The following DLGAP2 variants were observed in gnomAD, a reference collection of about 807,000 sequenced individuals.
DLGAP2 encodes the protein DLG associated protein 2, also known as disks large-associated protein 2.
A neutral mutation model predicts 100.3 loss-of-function variants in DLGAP2; 26 were observed. The ratio of observed to expected loss-of-function variants is 0.26; its 90% CI spans 0.19 to 0.36. The LOEUF is 0.36. Ranked by LOEUF, DLGAP2 falls within the 10% of genes least tolerant of loss-of-function variation. The pLI is 1.00. For missense variants in DLGAP2, 1,858 were observed against 1,453.2 expected, an observed-to-expected ratio of 1.28 and a Z score of -4.53; for synonymous variants, 886 against 630.1, an observed-to-expected ratio of 1.41 and a Z score of -6.08.
At chr8:1,558,219 C>T (rs941687522) in intron 5 of DLGAP2, among the ~76,000 whole-genome samples, 6 of 152,288 alleles carry the variant, frequency 3.9e-5, no homozygotes, top group South Asian at 2.1e-4. Context: ...AGCATGAGGG[C>T]GATAGGAGCT....
At chr8:1,495,967 A>C (rs1184998801) in intron 3 of DLGAP2, among the ~76,000 whole-genome samples, 1 of 152,114 alleles carries the variant, frequency 6.6e-6, no homozygotes, top group Non-Finnish European at 1.5e-5. Context: ...CTGATGGATG[A>C]AACAAGACTG....
chr8:1,520,507 G>A (rs1034851274), intron 4 of DLGAP2, among the ~76,000 whole-genome samples: 1 of 152,170 alleles, frequency 6.6e-6, no homozygotes, highest in Non-Finnish European at 1.5e-5. Context: ...TTGGACGAGT[G>A]TTTAATGGTG....
rs568031621 is a variant in DLGAP2 at position 773,721 on chromosome 8, C to A, written c.18+35896C>A. Reference sequence around the variant, plus strand: ...CATAGTATTCCATGGTGTATATATGCCACATTTTCTTAATCCAGTCTATCA... The same window carrying A: ...CATAGTATTCCATGGTGTATATATGACACATTTTCTTAATCCAGTCTATCA... On this transcript the variant is annotated intron_variant, in intron 1 of 14. Transcript: ENST00000637795. 1.6e-3 allele frequency among the ~76,000 whole-genome samples: 236 copies of A among 152,120 alleles called. 1 individual carries two copies. Among genetic ancestry groups the A allele is most frequent in the African/African-American group, 4.2e-3 (173 of 41,470 alleles).
Position 1,376,019 on chromosome 8 carries a change from CCCCA to C in DLGAP2, c.106+117139_106+117142del, listed in dbSNP as rs1802376656. Among the ~76,000 whole-genome samples, 3 of 37,196 alleles carry C rather than the reference CCCCA, an allele frequency of 8.1e-5. No homozygotes were observed. In the South Asian group the frequency reaches 4.6e-3, roughly 57 times the overall value. The allele number at this position is 37,196 out of a possible 152,430, so 24.4% of individuals were successfully genotyped here. A position where few individuals can be genotyped will look rare whatever the true frequency, so the allele number is the denominator to read the frequency against. ...CCTCTCCACGGCCTCAGAACTGAGC[CCCCA>C]CCTCCTACATTTGGGTTAACGACAC... On this transcript the variant is annotated intron_variant, in intron 3 of 14. Coordinates refer to ENST00000637795, the MANE Select transcript of DLGAP2 (RefSeq NM_001346810.2).
chr8:1,511,963 C>A (rs1800180067), intron 4 of DLGAP2, among the ~76,000 whole-genome samples: 1 of 152,240 alleles, frequency 6.6e-6, no homozygotes, highest in Non-Finnish European at 1.5e-5. Context: ...TTTCTACCAC[C>A]ACTCGGGTTT....
At chr8:1,539,009 C>G (rs1290561848) in intron 4 of DLGAP2, among the ~76,000 whole-genome samples, 2 of 151,818 alleles carry the variant, frequency 1.3e-5, no homozygotes, top group Admixed American at 1.3e-4. Context: ...GCTCGGCCTC[C>G]TGAGTAGCTG....
chr8:1,331,654 G>T (rs931465050), intron 3 of DLGAP2, among the ~76,000 whole-genome samples: 2 of 152,110 alleles, frequency 1.3e-5, no homozygotes, highest in African/African-American at 4.8e-5. Context: ...CAACATCTTG[G>T]GTATACGACA....
chr8:1,231,281 A>C (rs1246488582), intron 2 of DLGAP2, among the ~76,000 whole-genome samples: 5 of 152,224 alleles, frequency 3.3e-5, no homozygotes, highest in Non-Finnish European at 7.3e-5. Flanking sequence ...ATCAAACCAC[A>C]ATGAGATACC....
intron 3 of DLGAP2, among the ~76,000 whole-genome samples, chr8:1,368,260 GTGTGTGCAGGTA>G (rs1563109253): frequency 6.6e-6 from 1 of 151,936 alleles, no homozygotes; most frequent in Non-Finnish European, 1.5e-5. Context: ...ATGTGTGTGC[GTGTGTGCAGGTA>G]TGTGTGTATG....
intron 2 of DLGAP2, among the ~76,000 whole-genome samples, chr8:1,162,294 G>T (rs570326555): frequency 6.6e-6 from 1 of 152,326 alleles, no homozygotes; most frequent in East Asian, 1.9e-4. Flanking sequence ...GTCTGCGTAG[G>T]TGAGTCTGAC....
chr8:1,199,242 A>G (rs1434445397), intron 2 of DLGAP2, among the ~76,000 whole-genome samples: 1 of 152,232 alleles, frequency 6.6e-6, no homozygotes, highest in African/African-American at 2.4e-5. Flanking sequence ...AATTGAAAGC[A>G]TGGCTGAATA....
At chr8:1,234,688 C>T (rs1310165283) in intron 2 of DLGAP2, among the ~76,000 whole-genome samples, 1 of 152,166 alleles carries the variant, frequency 6.6e-6, no homozygotes. Flanking sequence ...TTATGTCCCA[C>T]GAGCTTGACT....
chr8:1,176,690 C>T (rs1255041151), intron 2 of DLGAP2, among the ~76,000 whole-genome samples: 1 of 152,110 alleles, frequency 6.6e-6, no homozygotes, highest in Non-Finnish European at 1.5e-5. Flanking sequence ...GGGAGGCAGC[C>T]CAGGGCTCCG....
intron 1 of DLGAP2, among the ~76,000 whole-genome samples, chr8:902,160 A>G (rs1204669773): frequency 6.6e-6 from 1 of 152,228 alleles, no homozygotes; most frequent in Non-Finnish European, 1.5e-5. Flanking sequence ...GACAGTGCCC[A>G]GGCACAGATC....
At chr8:1,145,295 GC>G (rs1445138043) in intron 2 of DLGAP2, among the ~76,000 whole-genome samples, 1 of 152,098 alleles carries the variant, frequency 6.6e-6, no homozygotes, top group Non-Finnish European at 1.5e-5. Context: ...CCTCCAGGAA[GC>G]CGCTGTTTTT....
In DLGAP2 at chr8:1,079,890, G is replaced by T. The variant is rs149772854; in HGVS notation, c.73+171924G>T. ...TGATTGGACGTGGCAGGCAGCTGGGGCCGCACGGCCCTGTGAGGGCACAGG... is the reference window on the plus strand; with the variant it reads ...TGATTGGACGTGGCAGGCAGCTGGGTCCGCACGGCCCTGTGAGGGCACAGG... On this transcript the variant is annotated intron_variant, in intron 2 of 14. Coordinates refer to ENST00000637795, the MANE Select transcript of DLGAP2 (RefSeq NM_001346810.2). Among the ~76,000 whole-genome samples the T allele has an allele frequency of 4.0e-3, 614 of 152,346 alleles. 2 individuals are homozygous for T. Among genetic ancestry groups the T allele is most frequent in the African/African-American group, 0.014 (594 of 41,590 alleles).
chr8:1,347,330 C>T (rs989499084), intron 3 of DLGAP2, among the ~76,000 whole-genome samples: 1 of 151,536 alleles, frequency 6.6e-6, no homozygotes, highest in Non-Finnish European at 1.5e-5. Context: ...CTGCATTGCT[C>T]TCATGGTAGC....
intron 3 of DLGAP2, among the ~76,000 whole-genome samples, chr8:1,458,556 G>A (rs1336322371): frequency 1.3e-5 from 2 of 152,182 alleles, no homozygotes; most frequent in African/African-American, 4.8e-5. Flanking sequence ...ACTTCAGGGA[G>A]TTCATGAAAC....
intron 3 of DLGAP2, among the ~76,000 whole-genome samples, chr8:1,391,535 T>C (rs1202600522): frequency 6.6e-6 from 1 of 152,112 alleles, no homozygotes; most frequent in Non-Finnish European, 1.5e-5. Flanking sequence ...GTAAGATTGG[T>C]GTTTTTATCA....
Sources: allele counts gnomAD v4.1 joint callset (sites outside exome capture counted in the v4.1 genomes callset), GRCh38; gene constraint gnomAD v4.1.1; transcripts MANE v1.5; gene names NCBI Gene and HGNC (gene_info 2026-07-23, HGNC 2026-07-21).